Variants in CDC42BPA observed in about 807,000 individuals in gnomAD.
The protein encoded by CDC42BPA is CDC42 binding protein kinase alpha, also known as serine/threonine-protein kinase MRCK alpha.
In CDC42BPA, 80 loss-of-function variants were observed where a neutral mutation model predicts 223.5. The observed-to-expected ratio is 0.36, with a 90% CI of 0.30 to 0.43. The LOEUF (loss-of-function observed/expected upper bound fraction) is 0.43, where lower values mean the gene tolerates loss of function less well. Among genes scored for constraint, CDC42BPA ranks in the 20% least tolerant of loss-of-function variants. The probability of loss-of-function intolerance (pLI) is 1.00; values close to 1 mark genes in which losing one functional copy is unlikely to be tolerated. For missense variants in CDC42BPA, 1,743 were observed against 2,099.9 expected (o/e 0.83, Z 3.32); for synonymous variants, 694 against 718.6 (o/e 0.97, Z 0.55).
chr1:227,068,001 C>T (rs529724376), intron 21 of CDC42BPA, among the ~76,000 whole-genome samples: 3 of 152,092 alleles, frequency 2.0e-5, no homozygotes, highest in African/African-American at 7.2e-5. Context: ...GAATGATACA[C>T]ATTTAACAGG....
chr1:227,007,259 C>T (rs977801305), intron 34 of CDC42BPA, among the ~76,000 whole-genome samples: 1 of 152,102 alleles, frequency 6.6e-6, no homozygotes, highest in Admixed American at 6.5e-5. Flanking sequence ...TAGGGTAATC[C>T]TTTATCTTTT....
Position 227,089,695 on chromosome 1 carries a change from C to T in CDC42BPA, c.2355+2191G>A, listed in dbSNP as rs565577418. On this transcript the variant is annotated intron_variant, in intron 16 of 36. Transcript: ENST00000366766. Reference sequence around the variant, plus strand: ...AGGCCTCATCAAGGAGGCTTCATTACATATACTAGGCCTAAGTATGTCCAT... The same window carrying T: ...AGGCCTCATCAAGGAGGCTTCATTATATATACTAGGCCTAAGTATGTCCAT... Among the ~76,000 whole-genome samples, 382 of 137,838 alleles carry T rather than the reference C, an allele frequency of 2.8e-3. 3 individuals carry two copies. The highest frequency in any genetic ancestry group is 0.01 in the African/African-American group (368 of 36,614). The allele number at this position is 137,838 out of a possible 152,430, so 90.4% of individuals were successfully genotyped here. A position where few individuals can be genotyped will look rare whatever the true frequency, so the allele number is the denominator to read the frequency against.
intron 1 of CDC42BPA, among the ~76,000 whole-genome samples, chr1:227,301,821 C>T (rs933770472): frequency 5.3e-5 from 8 of 152,160 alleles, no homozygotes; most frequent in Non-Finnish European, 1.2e-4. Context: ...CCTTTCCATA[C>T]CATCCTCCCA....
intron 1 of CDC42BPA, among the ~76,000 whole-genome samples, chr1:227,268,108 C>T (rs1281738570): frequency 6.6e-6 from 1 of 152,010 alleles, no homozygotes; most frequent in Non-Finnish European, 1.5e-5. Flanking sequence ...AAAAGAAAGC[C>T]TAATGTGGTA....
intron 1 of CDC42BPA, among the ~76,000 whole-genome samples, chr1:227,259,254 T>G (rs1391532764): frequency 6.6e-6 from 1 of 150,940 alleles, no homozygotes; most frequent in African/African-American, 2.5e-5. Flanking sequence ...TGACCTAAGC[T>G]GGGGGACAAG....
chr1:227,031,904 G>A (rs1669356897), intron 27 of CDC42BPA, among the ~76,000 whole-genome samples: 1 of 152,074 alleles, frequency 6.6e-6, no homozygotes, highest in South Asian at 2.1e-4. Flanking sequence ...TCATGATTTA[G>A]GATGTACTGT....
intron 1 of CDC42BPA, among the ~76,000 whole-genome samples, chr1:227,311,418 G>A (rs931554805): frequency 1.3e-5 from 2 of 152,114 alleles, no homozygotes; most frequent in Non-Finnish European, 2.9e-5. Flanking sequence ...GCAGTTTCCT[G>A]AGCAACAAAT....
rs549876132 is a variant in CDC42BPA, at chr1:227,132,819, C to T, written c.1391-3588G>A. 7.2e-4 allele frequency among the ~76,000 whole-genome samples: 108 copies of T among 150,252 alleles called. 2 individuals are homozygous for T. The South Asian group carries it at 0.017, about 23-fold the overall frequency. ...GATGTGAGGAGCGCCTCTGCCCGGC[C>T]GCAACCCCGTCTGGGAGGTGAGGAG... On this transcript the variant is annotated intron_variant, in intron 10 of 36. Coordinates refer to ENST00000366766, the MANE Select transcript of CDC42BPA (RefSeq NM_001394014.1).
At chr1:227,307,358 G>A (rs1692737659) in intron 1 of CDC42BPA, among the ~76,000 whole-genome samples, 1 of 152,148 alleles carries the variant, frequency 6.6e-6, no homozygotes, top group Non-Finnish European at 1.5e-5. Flanking sequence ...CAATTTATGT[G>A]TTAGAAGACT....
chr1:227,306,075 T>G (rs1172134871), intron 1 of CDC42BPA, among the ~76,000 whole-genome samples: 1 of 151,454 alleles, frequency 6.6e-6, no homozygotes, highest in African/African-American at 2.4e-5. Flanking sequence ...CTGAAAGCTT[T>G]CAGTAGTCAC....
chr1:227,052,557 T>A (rs1673736379), intron 21 of CDC42BPA, among the ~76,000 whole-genome samples: 2 of 152,138 alleles, frequency 1.3e-5, no homozygotes, highest in Non-Finnish European at 2.9e-5. Flanking sequence ...TAAAAATGCT[T>A]TGGGTTAAAA....
intron 5 of CDC42BPA, among the ~76,000 whole-genome samples, chr1:227,167,433 C>A (rs1464837020): frequency 1.3e-5 from 2 of 152,160 alleles, no homozygotes; most frequent in Non-Finnish European, 2.9e-5. Flanking sequence ...GTAATGACTT[C>A]TCTATGACAT....
intron 10 of CDC42BPA, among the ~76,000 whole-genome samples, chr1:227,133,774 T>C (rs1657878350): frequency 1.3e-5 from 2 of 151,860 alleles, no homozygotes; most frequent in Non-Finnish European, 2.9e-5. Context: ...AGCATGCTCG[T>C]TGAGAGTCAT....
At chr1:227,116,713 C>T (rs770438169) in intron 12 of CDC42BPA, among the ~76,000 whole-genome samples, 1 of 152,032 alleles carries the variant, frequency 6.6e-6, no homozygotes, top group Non-Finnish European at 1.5e-5. Flanking sequence ...GCAGCTGGTC[C>T]CTTTTGAACA....
intron 13 of CDC42BPA, 122 bp downstream of exon 13, chr1:227,112,549 T>C: frequency 1.1e-6 from 1 of 901,664 alleles, no homozygotes; most frequent in Non-Finnish European, 1.5e-6. Flanking sequence ...TATTAAATAA[T>C]ATTAATGAAC....
intron 3 of CDC42BPA, among the ~76,000 whole-genome samples, chr1:227,207,767 G>T (rs1189922362): frequency 1.4e-5 from 2 of 142,534 alleles, no homozygotes; most frequent in Non-Finnish European, 3.0e-5. Flanking sequence ...GTCTATCATT[G>T]TTGGACATCT....
intron 3 of CDC42BPA, among the ~76,000 whole-genome samples, chr1:227,211,989 G>C (rs1673999792): frequency 6.6e-6 from 1 of 152,064 alleles, no homozygotes; most frequent in South Asian, 2.1e-4. Context: ...AGAAAGGATG[G>C]ACTTGGGTGG....
At chr1:227,062,749 C>A (rs934760862) in intron 21 of CDC42BPA, among the ~76,000 whole-genome samples, 4 of 151,630 alleles carry the variant, frequency 2.6e-5, no homozygotes, top group Non-Finnish European at 5.9e-5. Context: ...CTTTGAGGTC[C>A]ATTTCCACAT....
chr1:227,003,939 G>T (rs538280095), intron 35 of CDC42BPA: 6 of 152,266 alleles, frequency 3.9e-5, no homozygotes, highest in African/African-American at 1.4e-4. Context: ...CAGCAGAAGA[G>T]TTGGTATCTA....
Sources: allele counts gnomAD v4.1 joint callset (sites outside exome capture counted in the v4.1 genomes callset), GRCh38; gene constraint gnomAD v4.1.1; transcripts MANE v1.5; gene names NCBI Gene and HGNC (gene_info 2026-07-23, HGNC 2026-07-21).